PTGIR: variants seen among roughly 807,000 people sequenced by gnomAD.
The protein encoded by PTGIR is prostaglandin I2 receptor.
In PTGIR, 16 loss-of-function variants were observed where a neutral mutation model predicts 17.6. The ratio of observed to expected loss-of-function variants is 0.91; its 90% CI spans 0.61 to 1.38. PTGIR has a LOEUF of 1.38. Among genes scored for constraint, PTGIR ranks in the 40% most tolerant of loss-of-function variants. PTGIR has a pLI of 0.00. For synonymous variants in PTGIR, 274 were observed against 255.4 expected (o/e 1.07, Z -0.69); for missense variants, 532 against 548.6 (o/e 0.97, Z 0.30).
downstream of PTGIR, among the ~76,000 whole-genome samples, chr19:46,617,317 A>G (rs1381649398): frequency 2.6e-5 from 4 of 152,200 alleles, no homozygotes; most frequent in East Asian, 5.8e-4. Context: ...GTCAGGGGCC[A>G]GGATCCCATC....
chr19:46,619,480 G>A (rs1972008355), downstream of PTGIR, among the ~76,000 whole-genome samples: 1 of 144,456 alleles, frequency 6.9e-6, no homozygotes, highest in Non-Finnish European at 1.5e-5. Flanking sequence ...GGGTGACAGA[G>A]TGATATTCTG....
chr19:46,621,735 C>T lies in PTGIR; in HGVS notation c.769-63G>A. ...GTCCTCAGCCTCCCCACCCTGGCTC[C>T]CTCCTCCCACTTGCTTACCAGGGAT... On this transcript the variant is annotated intron_variant, in intron 2 of 2. Coordinates refer to ENST00000291294, the MANE Select transcript of PTGIR (RefSeq NM_000960.4). This position sits in a 1 kb window ranked among gnomAD's most constrained non-coding sequence, Gnocchi z 4.8. 3 of 1,540,972 alleles carry T rather than the reference C, an allele frequency of 1.9e-6. No homozygotes were observed. The East Asian group carries it at 6.9e-5, about 35-fold the overall frequency.
chr19:46,621,572 C>T lies in PTGIR; in HGVS notation c.869G>A (p.Trp290Ter), dbSNP rs765853853. The T allele has an allele frequency of 6.2e-7, 1 of 1,614,010 alleles. No homozygotes were observed. The highest frequency in any genetic ancestry group is 1.1e-5 in the South Asian group (1 of 91,090). The change falls in exon 3 of 3, where the codon TGG becomes TAG. Residue 290 changes from tryptophan to a stop codon, truncating the protein, a stop_gained. Transcript: ENST00000291294. LOFTEE classifies it low-confidence loss of function (END_TRUNC). This position sits in a 1 kb window ranked among gnomAD's most constrained non-coding sequence, Gnocchi z 4.8. The stretch of plus-strand genomic sequence containing the variant: ...AGCCTTGCGGAAAAGGATGAAGACC[C>T]AGGGGTCCAGGATGGGGTTGAAGGC... ...FYAFNPILDPWVFILFRKAVF... is the reference protein window; with the variant it reads ...FYAFNPILDP
rs2052787399 is a variant in PTGIR, at chr19:46,625,015, G to C, written c.-31C>G. The C allele has an allele frequency of 6.5e-6, 1 of 154,584 alleles. No homozygotes were observed. Among genetic ancestry groups the C allele is most frequent in the Non-Finnish European group, 1.4e-5 (1 of 69,800 alleles). 9.6% of individuals were successfully genotyped at this position (154,584 alleles called of 1,614,324 possible). On this transcript the variant is annotated 5_prime_UTR_variant, in exon 1 of 3. Transcript: ENST00000291294. This position sits in a 1 kb window ranked among gnomAD's most constrained non-coding sequence, Gnocchi z 4.9. Reference sequence around the variant, plus strand: ...ACCGCACCTCTCCAGTCTTGCCCAGGCTCTCCTGTCCCGTGCGTCTGTGCC... The same window carrying C: ...ACCGCACCTCTCCAGTCTTGCCCAGCCTCTCCTGTCCCGTGCGTCTGTGCC...
downstream of PTGIR, among the ~76,000 whole-genome samples, chr19:46,619,582 A>AAAG (rs1568675691): frequency 7.7e-4 from 81 of 105,246 alleles, 1 homozygote; most frequent in Admixed American, 2.0e-3. Flanking sequence ...AGAGAGAGAG[A>AAAG]GAAAGAAAGA....
chr19:46,616,653 T>G (rs11083840), downstream of PTGIR, among the ~76,000 whole-genome samples: 66,809 of 151,898 alleles, frequency 0.44, 15,168 homozygotes, highest in African/African-American at 0.55. Context: ...TCTTAACTTG[T>G]TTCACTTTCT....
At chr19:46,622,179 C>T (rs936518939) in intron 2 of PTGIR, 53 of 985,410 alleles carry the variant, frequency 5.4e-5, no homozygotes, top group Middle Eastern at 5.2e-4. Context: ...GTCACAGACA[C>T]TGAGTGGGTA....
In PTGIR at chr19:46,620,911, G is replaced by T; in HGVS notation, c.*369C>A. On this transcript the variant is annotated 3_prime_UTR_variant, in exon 3 of 3. Transcript: ENST00000291294. ...GGGTGGGCAGTTGGGCCTCCTAAGT[G>T]GACGCAGATTGGAGCCAGCACCCAG... 1 of 1,003,046 alleles carries T rather than the reference G, an allele frequency of 1.0e-6. No individual in the cohort carries two copies. The allele number at this position is 1,003,046 out of a possible 1,614,324, so 62.1% of individuals were successfully genotyped here.
Position 46,621,597 on chromosome 19 carries a change from C to A in PTGIR, c.844G>T (p.Ala282Ser). 6.2e-7 allele frequency: 1 copy of A among 1,613,782 alleles called. No individual in the cohort carries two copies. Among genetic ancestry groups the A allele is most frequent in the Non-Finnish European group, 8.5e-7 (1 of 1,180,030 alleles). Residue 282 changes from alanine (A) to serine (S), a missense_variant, in exon 3 of 3, where the codon GCC (alanine) becomes TCC (serine). Coordinates refer to ENST00000291294, the MANE Select transcript of PTGIR (RefSeq NM_000960.4). This position sits in a 1 kb window ranked among gnomAD's most constrained non-coding sequence, Gnocchi z 4.8. Reference sequence around the variant, plus strand: ...CAGGGGTCCAGGATGGGGTTGAAGGCGTAGAAGCGGAAGGCAAGGAGGTCC... The same window carrying A: ...CAGGGGTCCAGGATGGGGTTGAAGGAGTAGAAGCGGAAGGCAAGGAGGTCC... ...MGDLLAFRFY[A>S]FNPILDPWVF...
intron 2 of PTGIR, chr19:46,622,351 G>T: frequency 1.0e-6 from 1 of 984,454 alleles, no homozygotes; most frequent in Non-Finnish European, 1.2e-6. Context: ...ACCTGGCTCT[G>T]TGTGACTGGG....
intron 2 of PTGIR, 176 bp downstream of exon 2, chr19:46,623,282 C>G: frequency 1.4e-6 from 1 of 735,934 alleles, no homozygotes; most frequent in Non-Finnish European, 2.1e-6. Flanking sequence ...CAGGTGTGAG[C>G]CACCGCATCC....
In PTGIR at chr19:46,620,566, C is replaced by T. The variant is rs1298427016; in HGVS notation, c.*714G>A. 1 of 985,506 alleles carries T rather than the reference C, an allele frequency of 1.0e-6. No individual in the cohort carries two copies. The highest frequency in any genetic ancestry group is 1.2e-6 in the Non-Finnish European group (1 of 830,034). 61.0% of individuals were successfully genotyped at this position (985,506 alleles called of 1,614,324 possible). On this transcript the variant is annotated 3_prime_UTR_variant, in exon 3 of 3. Coordinates refer to ENST00000291294, the MANE Select transcript of PTGIR (RefSeq NM_000960.4). ...GGCAGTCCCTGGGATCCGCAGCCCC[C>T]ACCCTTCATCTGCCAGCTTCTCCAT...
chr19:46,617,027 G>A (rs1971972150), downstream of PTGIR, among the ~76,000 whole-genome samples: 5 of 152,278 alleles, frequency 3.3e-5, no homozygotes. Context: ...TGAAGGGCAA[G>A]GGTGTTTTTG....
At chr19:46,618,081 C>T (rs2122303143), downstream of PTGIR, among the ~76,000 whole-genome samples, 2 of 147,340 alleles carry the variant, frequency 1.4e-5, no homozygotes, top group South Asian at 4.3e-4. Context: ...GTGGCGTGAT[C>T]TCGGCTCACT....
downstream of PTGIR, among the ~76,000 whole-genome samples, chr19:46,617,748 G>A (rs541451150): frequency 2.6e-5 from 4 of 152,134 alleles, no homozygotes; most frequent in East Asian, 1.9e-4. Context: ...TCTGTTGGGG[G>A]TAGGAGGGTT....
chr19:46,623,689 C>G lies in PTGIR; in HGVS notation c.537G>C (p.Pro179=), dbSNP rs748725321. ...AGGCCAGCGAGAAGGCGGCGCCGCC[C>G]GGCTGGGCCCAGCGCATGCGGAGGA... ...WCFLRMRWAQ[P]GGAAFSLAYA... is the part of the protein sequence containing the mutation. The change falls in exon 2 of 3, where the codon CCG becomes CCC. Residue 179 remains proline, a synonymous_variant. Coordinates refer to ENST00000291294, the MANE Select transcript of PTGIR (RefSeq NM_000960.4). The G allele has an allele frequency of 1.3e-6, 2 of 1,555,626 alleles. No homozygotes were observed. The highest frequency in any genetic ancestry group is 1.7e-6 in the Non-Finnish European group (2 of 1,153,766).
Position 46,620,764 on chromosome 19 carries a change from T to C in PTGIR, c.*516A>G, listed in dbSNP as rs1972048038. 1.0e-6 allele frequency: 1 copy of C among 985,966 alleles called. No homozygotes were observed. Among genetic ancestry groups the C allele is most frequent in the East Asian group, 1.1e-4 (1 of 8,814 alleles). 61.1% of individuals were successfully genotyped at this position (985,966 alleles called of 1,614,324 possible). A position where few individuals can be genotyped will look rare whatever the true frequency, so the allele number is the denominator to read the frequency against. On this transcript the variant is annotated 3_prime_UTR_variant, in exon 3 of 3. Coordinates refer to ENST00000291294, the MANE Select transcript of PTGIR (RefSeq NM_000960.4). ...GGGATGCCAGGGCTCCCAAGCCTGG[T>C]GGGGGACCAGCGGCAAGGGAAGGCA... is the stretch of plus-strand genomic sequence containing the variant.
At chr19:46,619,658 G>GA (rs201773908), downstream of PTGIR, among the ~76,000 whole-genome samples, 7,195 of 108,380 alleles carry the variant, frequency 0.066, 306 homozygotes, top group African/African-American at 0.11. Flanking sequence ...AGAAAGAAAA[G>GA]AAAGAAAGAA....
In PTGIR at chr19:46,624,070, C is replaced by G. The variant is rs890004141; in HGVS notation, c.156G>C (p.Leu52=). The change falls in exon 2 of 3, where the codon CTG becomes CTC. Residue 52 remains leucine, a synonymous_variant. Transcript: ENST00000291294. ...RPARPSAFAV[L]VTGLAATDLL... ...GGTCGGTGGCCGCCAGTCCGGTCAC[C>G]AGCACCGCGAAGGCCGAGGGGCGCG... The G allele has an allele frequency of 2.6e-6, 4 of 1,540,744 alleles. No homozygotes were observed. The highest frequency in any genetic ancestry group is 3.5e-6 in the Non-Finnish European group (4 of 1,147,098).
Sources: gnomAD v4.1 joint callset for allele counts (sites outside exome capture counted in the v4.1 genomes callset) on GRCh38, gnomAD v4.1.1 for gene constraint, Gnocchi (gnomAD v3.1) non-coding constraint, MANE v1.5 for transcripts, NCBI Gene and HGNC (gene_info 2026-07-23, HGNC 2026-07-21) for gene names.